Variants in PDE3B observed in about 807,000 individuals in gnomAD.
PDE3B encodes the protein cGMP-inhibited 3',5'-cyclic phosphodiesterase 3B.
PDE3B carries 66 observed loss-of-function variants against 116.8 expected under a neutral mutation model. The observed-to-expected ratio is 0.56, with a 90% CI of 0.46 to 0.69. The LOEUF (loss-of-function observed/expected upper bound fraction) is 0.69. Ranked by LOEUF, PDE3B falls within the 30% of genes least tolerant of loss-of-function variation. The pLI, the probability that PDE3B is intolerant of heterozygous loss-of-function variation, is 0.00. For missense variants in PDE3B, 1,384 were observed against 1,368.1 expected (o/e 1.01, Z -0.18); for synonymous variants, 595 against 533.6 (o/e 1.12, Z -1.59).
intron 1 of PDE3B, among the ~76,000 whole-genome samples, chr11:14,702,506 G>C (rs1221627088): frequency 6.6e-6 from 1 of 151,890 alleles, no homozygotes. Context: ...GGGAAGAGAA[G>C]AAGTCCAGTA....
intron 12 of PDE3B, among the ~76,000 whole-genome samples, chr11:14,851,797 A>G (rs1303176796): frequency 6.6e-6 from 1 of 152,210 alleles, no homozygotes; most frequent in Non-Finnish European, 1.5e-5. Context: ...GGTGAATCAT[A>G]GACCTGAGGA....
chr11:14,894,794 C>T, the PDE3B span, among the ~76,000 whole-genome samples: 1 of 152,202 alleles, frequency 6.6e-6, no homozygotes, highest in Admixed American at 6.5e-5. Flanking sequence ...AAATCCCTCC[C>T]TTATTCCCCC....
At chr11:14,646,138 G>C (rs1455239308) in intron 1 of PDE3B, among the ~76,000 whole-genome samples, 1 of 152,124 alleles carries the variant, frequency 6.6e-6, no homozygotes, top group Non-Finnish European at 1.5e-5. Flanking sequence ...GTACACCCTA[G>C]GTTTTCTGAA....
At chr11:14,671,362 T>C (rs984581519) in intron 1 of PDE3B, among the ~76,000 whole-genome samples, 1 of 152,086 alleles carries the variant, frequency 6.6e-6, no homozygotes, top group Non-Finnish European at 1.5e-5. Flanking sequence ...GGAAGCACAC[T>C]CTAGGCAGAA....
chr11:14,728,149 A>T (rs924308023), intron 1 of PDE3B, among the ~76,000 whole-genome samples: 12 of 152,058 alleles, frequency 7.9e-5, no homozygotes, highest in Admixed American at 7.9e-4. Context: ...GCTTTTAGCA[A>T]TTTAAATTTT....
chr11:14,771,030 T>G (rs139507199), intron 1 of PDE3B, among the ~76,000 whole-genome samples: 1 of 151,528 alleles, frequency 6.6e-6, no homozygotes, highest in East Asian at 1.9e-4. Flanking sequence ...AAGCACCAAA[T>G]AAGATCTTTT....
intron 1 of PDE3B, among the ~76,000 whole-genome samples, chr11:14,667,399 C>G (rs908903618): frequency 6.6e-6 from 1 of 150,788 alleles, no homozygotes; most frequent in Non-Finnish European, 1.5e-5. Context: ...CTAACCTGCA[C>G]ATTGTGCACA....
the PDE3B span, chr11:14,891,916 G>T: frequency 6.4e-6 from 10 of 1,562,352 alleles, no homozygotes; most frequent in South Asian, 9.3e-5. Flanking sequence ...GTCCAACCAG[G>T]AAGGCCCTGG....
chr11:14,757,423 T>C (rs1857221799), intron 1 of PDE3B, among the ~76,000 whole-genome samples: 2 of 151,194 alleles, frequency 1.3e-5, no homozygotes, highest in Admixed American at 6.6e-5. Flanking sequence ...CCACCAACAG[T>C]GTAAAAGTGT....
intron 1 of PDE3B, 35 bp from the exon 2 acceptor site, chr11:14,771,902 T>G: frequency 9.8e-7 from 1 of 1,024,896 alleles, no homozygotes. Flanking sequence ...TTTTGTTTAT[T>G]TTTGGTTTGT....
At chr11:14,888,776 A>C in the PDE3B span, among the ~76,000 whole-genome samples, 6 of 152,168 alleles carry the variant, frequency 3.9e-5, no homozygotes, top group Admixed American at 3.9e-4. Flanking sequence ...GCTGTGCATA[A>C]AGTTCTCAAT....
At chr11:14,710,306 T>C (rs943337890) in intron 1 of PDE3B, among the ~76,000 whole-genome samples, 6 of 152,120 alleles carry the variant, frequency 3.9e-5, no homozygotes, top group African/African-American at 1.4e-4. Context: ...TTTTTTTGAT[T>C]GATTGTGATT....
intron 1 of PDE3B, among the ~76,000 whole-genome samples, chr11:14,656,101 G>A (rs1047020424): frequency 4.6e-5 from 7 of 152,152 alleles, no homozygotes; most frequent in Admixed American, 3.9e-4. Context: ...AACAGTGGGA[G>A]TGGAAAAGCC....
At chr11:14,784,170 C>A (rs754596001) in intron 2 of PDE3B, among the ~76,000 whole-genome samples, 1 of 152,048 alleles carries the variant, frequency 6.6e-6, no homozygotes, top group Non-Finnish European at 1.5e-5. Flanking sequence ...GAAACCTGTC[C>A]CTGATGCCAA....
intron 12 of PDE3B, among the ~76,000 whole-genome samples, chr11:14,849,134 CAG>C (rs1322938515): frequency 1.2e-4 from 18 of 152,144 alleles, no homozygotes; most frequent in Non-Finnish European, 1.5e-5. Flanking sequence ...GGTACCAAAA[CAG>C]AGATATAGAT....
In PDE3B at chr11:14,722,089, C is replaced by A. The variant is rs1442681482; in HGVS notation, c.979-49848C>A. ...AAACAAAACACCGCATGTTCTCACT[C>A]ATAGGTGGGAATTAAACAATGAGAA... On this transcript the variant is annotated intron_variant, in intron 1 of 15. Coordinates refer to ENST00000282096, the MANE Select transcript of PDE3B (RefSeq NM_000922.4). Among the ~76,000 whole-genome samples, 6 of 148,618 alleles carry A rather than the reference C, an allele frequency of 4.0e-5. No individual in the cohort carries two copies. In the South Asian group the frequency reaches 6.4e-4, roughly 16 times the overall value.
intron 1 of PDE3B, among the ~76,000 whole-genome samples, chr11:14,740,244 G>T (rs1400166950): frequency 2.6e-5 from 4 of 152,050 alleles, no homozygotes; most frequent in African/African-American, 9.7e-5. Context: ...ACTTTTTTTG[G>T]TTGGTAGGCT....
chr11:14,821,307 T>C (rs530153745), intron 7 of PDE3B, among the ~76,000 whole-genome samples: 1 of 152,334 alleles, frequency 6.6e-6, no homozygotes, highest in Non-Finnish European at 1.5e-5. Context: ...TATTCTGTTA[T>C]CAGAGCAGTC....
chr11:14,864,876 A>T (rs1848015267), intron 14 of PDE3B, among the ~76,000 whole-genome samples: 1 of 152,220 alleles, frequency 6.6e-6, no homozygotes, highest in Non-Finnish European at 1.5e-5. Flanking sequence ...AAATGCCCAC[A>T]GGAGAAAGCA....
Sources: gnomAD v4.1 joint callset for allele counts (sites outside exome capture counted in the v4.1 genomes callset) on GRCh38, gnomAD v4.1.1 for gene constraint, MANE v1.5 for transcripts, NCBI Gene and HGNC (gene_info 2026-07-23, HGNC 2026-07-21) for gene names.